Variants in CACNA1B observed in about 807,000 individuals in gnomAD.
The protein encoded by CACNA1B is voltage-dependent N-type calcium channel subunit alpha-1B.
In CACNA1B, 70 loss-of-function variants were observed where a neutral mutation model predicts 247.2. The ratio of observed to expected loss-of-function variants is 0.28; its 90% CI spans 0.23 to 0.35. The LOEUF (loss-of-function observed/expected upper bound fraction) is 0.35. Ranked by LOEUF, CACNA1B falls within the 10% of genes least tolerant of loss-of-function variation. The pLI is 1.00. For missense variants in CACNA1B, 2,367 were observed against 3,197.4 expected (o/e 0.74, Z 6.26); for synonymous variants, 1,231 against 1,294.4 (o/e 0.95, Z 1.05).
chr9:138,000,340 A>C lies in CACNA1B; in HGVS notation c.1975-6427A>C, dbSNP rs548375396. On this transcript the variant is annotated intron_variant, in intron 15 of 46. Transcript: ENST00000371372. The stretch of plus-strand genomic sequence containing the variant: ...GTCTCGATCTCCTGACCTCGTGATC[A>C]GCCCGCCTTGGCCTCCCAAAGTGCT... 5.3e-3 allele frequency among the ~76,000 whole-genome samples: 803 copies of C among 152,036 alleles called. 5 individuals carry two copies. The highest frequency in any genetic ancestry group is 0.017 in the South Asian group (80 of 4,796).
chr9:137,947,311 C>T (rs922133387), intron 6 of CACNA1B, among the ~76,000 whole-genome samples: 3 of 152,042 alleles, frequency 2.0e-5, no homozygotes, highest in South Asian at 2.1e-4. Flanking sequence ...GGGGGTGGGC[C>T]GCAAAGGGAG....
Position 138,120,306 on chromosome 9 carries a change from C to T in CACNA1B, c.6172C>T (p.Arg2058Cys), listed in dbSNP as rs200542494. ...SSHHHHHRCHRRRDRKQRSLE... is the reference protein window; with the variant it reads ...SSHHHHHRCHCRRDRKQRSLE... ...GCACCACCACCACCACCGCTGCCACCGCCGCAGGGACAGGAAGCAGAGGTC... is the reference window on the plus strand; with the variant it reads ...GCACCACCACCACCACCGCTGCCACTGCCGCAGGGACAGGAAGCAGAGGTC... The change falls in exon 45 of 47, where the codon CGC becomes TGC. Residue 2058 changes from arginine to cysteine, a missense_variant. Coordinates refer to ENST00000371372, the MANE Select transcript of CACNA1B (RefSeq NM_000718.4). 70 of 1,567,100 alleles carry T rather than the reference C, an allele frequency of 4.5e-5. No homozygotes were observed. Among genetic ancestry groups the T allele is most frequent in the Non-Finnish European group, 5.8e-5 (67 of 1,160,460 alleles).
intron 10 of CACNA1B, among the ~76,000 whole-genome samples, chr9:137,962,996 T>C (rs1027707927): frequency 6.6e-6 from 1 of 152,180 alleles, no homozygotes; most frequent in Non-Finnish European, 1.5e-5. Context: ...AAGTCTCCCA[T>C]TGTTATTGTG....
At chr9:138,071,421 C>T (rs11137362) in intron 32 of CACNA1B, among the ~76,000 whole-genome samples, 21,852 of 152,200 alleles carry the variant, frequency 0.14, 4,394 homozygotes, top group African/African-American at 0.45. Context: ...TGCAGGTGCA[C>T]GGCGTGGCGC....
intron 16 of CACNA1B, among the ~76,000 whole-genome samples, chr9:138,009,128 T>G (rs1428646896): frequency 6.6e-6 from 1 of 152,218 alleles, no homozygotes; most frequent in Non-Finnish European, 1.5e-5. Flanking sequence ...AACACCGTGA[T>G]GGGACAAGGA....
intron 20 of CACNA1B, among the ~76,000 whole-genome samples, chr9:138,039,876 TA>T (rs761696315): frequency 2.6e-5 from 4 of 152,236 alleles, no homozygotes; most frequent in Non-Finnish European, 4.4e-5. Context: ...TTAGTTGTAT[TA>T]CTCAAATATT....
At chr9:138,075,947 T>C (rs893566544) in intron 35 of CACNA1B, 37 bp downstream of exon 35, 1 of 1,353,870 alleles carries the variant, frequency 7.4e-7, no homozygotes, top group African/African-American at 1.4e-5. Flanking sequence ...ATGTCTGCTC[T>C]TCCGTCGGGG....
chr9:138,096,712 C>T (rs1161336005), intron 37 of CACNA1B, 101 bp downstream of exon 37: 21 of 1,264,566 alleles, frequency 1.7e-5, no homozygotes, highest in East Asian at 4.8e-5. Flanking sequence ...TGAGCACCCC[C>T]TCAGGTTTTG....
chr9:138,058,311 C>A lies in CACNA1B; in HGVS notation c.4308+61C>A. 7.3e-7 allele frequency: 1 copy of A among 1,363,676 alleles called. No homozygotes were observed. Among genetic ancestry groups the A allele is most frequent in the East Asian group, 2.3e-5 (1 of 43,506 alleles). The allele number at this position is 1,363,676 out of a possible 1,614,324, so 84.5% of individuals were successfully genotyped here. ...GCGTGGGCAGCGCCATCAGGCTTCC[C>A]TCCTGCACACAAATCACTCACAGCT... On this transcript the variant is annotated intron_variant, in intron 28 of 46. Coordinates refer to ENST00000371372, the MANE Select transcript of CACNA1B (RefSeq NM_000718.4). This position sits in a 1 kb window ranked among gnomAD's most constrained non-coding sequence, Gnocchi z 4.7.
intron 32 of CACNA1B, among the ~76,000 whole-genome samples, chr9:138,071,716 G>A (rs919918817): frequency 6.6e-6 from 1 of 152,090 alleles, no homozygotes; most frequent in African/African-American, 2.4e-5. Flanking sequence ...CGCACCTCTC[G>A]CCTGCCCTGT....
chr9:138,000,281 G>A (rs987985190), intron 15 of CACNA1B, among the ~76,000 whole-genome samples: 82 of 152,092 alleles, frequency 5.4e-4, no homozygotes, highest in Non-Finnish European at 7.7e-4. Flanking sequence ...TGTATTTTTA[G>A]TAGAGACAGG....
chr9:138,058,782 G>A lies in CACNA1B; in HGVS notation c.4473+49G>A, dbSNP rs1178207153. On this transcript the variant is annotated intron_variant, in intron 29 of 46. Transcript: ENST00000371372. The surrounding 1 kb of genome is among the most constrained non-coding windows in gnomAD (Gnocchi z 4.7). ...GGCAGCTGGCGCTGCTAGGGATTGG[G>A]ATCTAACCCTGAGGCTGAGTGGAGA... The A allele has an allele frequency of 6.6e-7, 1 of 1,517,236 alleles. No individual in the cohort carries two copies. 94.0% of individuals were successfully genotyped at this position (1,517,236 alleles called of 1,614,324 possible).
intron 7 of CACNA1B, among the ~76,000 whole-genome samples, chr9:137,953,340 T>C (rs1390114070): frequency 1.3e-5 from 2 of 152,208 alleles, no homozygotes; most frequent in African/African-American, 4.8e-5. Context: ...CTATGATCCC[T>C]GCTCAGGCCC....
intron 37 of CACNA1B, among the ~76,000 whole-genome samples, chr9:138,099,359 G>C (rs956030469): frequency 6.6e-6 from 1 of 152,194 alleles, no homozygotes; most frequent in African/African-American, 2.4e-5. Context: ...GTGTATATGT[G>C]TGCAAGTGAA....
intron 19 of CACNA1B, among the ~76,000 whole-genome samples, chr9:138,024,479 C>T (rs978283766): frequency 6.6e-6 from 1 of 152,154 alleles, no homozygotes; most frequent in Non-Finnish European, 1.5e-5. Context: ...TGGGTCAGCC[C>T]CATCCCTGCC....
At position 137,957,646 on chromosome 9, in the gene CACNA1B, C is replaced by T. The variant is rs1175430580; in HGVS notation, c.1292C>T (p.Ala431Val). The change falls in exon 10 of 47, where the codon GCA (alanine) becomes GTA (valine). Residue 431 changes from alanine (A) to valine (V), a missense_variant. Transcript: ENST00000371372. This position sits in a 1 kb window ranked among gnomAD's most constrained non-coding sequence, Gnocchi z 4.7. ...AAGAGCAGAAATGACCTGATCCACG[C>T]AGAGGAGGGAGAGGACCGGTTTGCA... ...TKKSRNDLIH[A>V]EEGEDRFADL... is the part of the protein sequence containing the mutation. 2 of 1,603,964 alleles carry T rather than the reference C, an allele frequency of 1.2e-6. No homozygotes were observed. The highest frequency in any genetic ancestry group is 1.7e-5 in the Admixed American group (1 of 58,734).
intron 38 of CACNA1B, among the ~76,000 whole-genome samples, chr9:138,103,173 G>A (rs373249456): frequency 2.0e-5 from 3 of 152,150 alleles, no homozygotes; most frequent in African/African-American, 7.2e-5. Context: ...GATTGTTTTT[G>A]TTCTGGGCTC....
chr9:138,053,713 A>G (rs990693352), intron 25 of CACNA1B, 133 bp from the exon 26 acceptor site: 6 of 362,956 alleles, frequency 1.7e-5, no homozygotes, highest in South Asian at 1.0e-4. Flanking sequence ...CCTTACGGCC[A>G]TGCCCTCCCA....
intron 21 of CACNA1B, among the ~76,000 whole-genome samples, chr9:138,046,458 T>C (rs1959186575): frequency 7.2e-6 from 1 of 139,254 alleles, no homozygotes; most frequent in Non-Finnish European, 1.5e-5. Context: ...GCTGAAATTC[T>C]TCCTCTCTGA....
Sources: allele counts gnomAD v4.1 joint callset (sites outside exome capture counted in the v4.1 genomes callset), GRCh38; gene constraint gnomAD v4.1.1; non-coding constraint Gnocchi (gnomAD v3.1); transcripts MANE v1.5; gene names NCBI Gene and HGNC (gene_info 2026-07-23, HGNC 2026-07-21).